The following C8orf76 variants were observed in gnomAD, a reference collection of about 807,000 sequenced individuals.
C8orf76 encodes the protein chromosome 8 open reading frame 76, also known as uncharacterized protein C8orf76.
Under a neutral mutation model 38.1 loss-of-function variants are expected in C8orf76, and 46 were observed. That is an observed-to-expected ratio of 1.21 (90% CI 0.95 to 1.54). The LOEUF is 1.54. Ranked by LOEUF, C8orf76 falls within the 40% of genes most tolerant of loss-of-function variation. The pLI is 0.00. For missense variants in C8orf76, 461 were observed against 441.6 expected (o/e 1.04, Z -0.39); for synonymous variants, 166 against 167.5 (o/e 0.99, Z 0.07).
At chr8:123,236,956 G>C in intron 3 of C8orf76, 1 of 1,545,838 alleles carries the variant, frequency 6.5e-7, no homozygotes, top group Admixed American at 1.7e-5. Flanking sequence ...CTGACCAGCA[G>C]CGTCTGATAC....
chr8:123,238,229 T>C (rs1825565341), intron 2 of C8orf76, among the ~76,000 whole-genome samples: 1 of 152,166 alleles, frequency 6.6e-6, no homozygotes, highest in African/African-American at 2.4e-5. Context: ...TTTCCCATGC[T>C]ATTCTCATGG....
chr8:123,220,326 C>A, intron 5 of C8orf76, 29 bp from the exon 6 acceptor site: 2 of 1,487,218 alleles, frequency 1.3e-6, no homozygotes, highest in South Asian at 1.3e-5. Context: ...AAAAAACTGT[C>A]CCAATAAAAG....
At position 123,226,519 on chromosome 8, in the gene C8orf76, G is replaced by GT; in HGVS notation, c.928dup (p.Thr310AsnfsTer7). On this transcript the variant is annotated frameshift_variant, in exon 5 of 6. Coordinates refer to ENST00000276704, the MANE Select transcript of C8orf76 (RefSeq NM_032847.3). LOFTEE classifies it high-confidence loss of function. ...ACTCACCTCAGCTATCAACAGCAAAGTGTCTTCTTTGAAGCTGAACCCTTT... is the reference window on the plus strand; with the variant it reads ...ACTCACCTCAGCTATCAACAGCAAAGTTGTCTTCTTTGAAGCTGAACCCTTT... 6.2e-7 allele frequency: 1 copy of GT among 1,613,310 alleles called. No homozygotes were observed. Among genetic ancestry groups the GT allele is most frequent in the Non-Finnish European group, 8.5e-7 (1 of 1,179,860 alleles).
intron 3 of C8orf76, among the ~76,000 whole-genome samples, chr8:123,234,275 C>T (rs761720238): frequency 5.3e-5 from 8 of 152,102 alleles, no homozygotes; most frequent in Admixed American, 2.0e-4. Flanking sequence ...CCTGCCATAA[C>T]GTGGCTGGTA....
chr8:123,228,761 A>G (rs1386038504), intron 4 of C8orf76, among the ~76,000 whole-genome samples: 1 of 152,242 alleles, frequency 6.6e-6, no homozygotes, highest in Admixed American at 6.5e-5. Context: ...TGTGTTAACA[A>G]TAAAAACAAC....
chr8:123,230,912 T>G lies in C8orf76; in HGVS notation c.815+388A>C, dbSNP rs567341018. On this transcript the variant is annotated intron_variant, in intron 4 of 5. Transcript: ENST00000276704. Reference sequence around the variant, plus strand: ...ATCCACCCACCTCACCCTCCCAAAGTGCTGGGATTACAGGCGTGAGCCACC... The same window carrying G: ...ATCCACCCACCTCACCCTCCCAAAGGGCTGGGATTACAGGCGTGAGCCACC... Among the ~76,000 whole-genome samples, 11 of 152,276 alleles carry G rather than the reference T, an allele frequency of 7.2e-5. No homozygotes were observed. The East Asian group carries it at 1.7e-3, about 24-fold the overall frequency.
At chr8:123,236,770 T>TGA (rs1245748071) in intron 3 of C8orf76, 1 of 483,118 alleles carries the variant, frequency 2.1e-6, no homozygotes, top group Non-Finnish European at 3.8e-6. Context: ...GGTGACAGAG[T>TGA]GAGACTCTGT....
intron 5 of C8orf76, among the ~76,000 whole-genome samples, chr8:123,226,038 G>A (rs909777525): frequency 1.3e-5 from 2 of 152,248 alleles, no homozygotes; most frequent in Admixed American, 6.5e-5. Flanking sequence ...AAATGGACTT[G>A]CAGCTGGCAA....
At chr8:123,238,011 G>A (rs1253666572) in intron 2 of C8orf76, 70 bp from the exon 3 acceptor site, 3 of 1,520,344 alleles carry the variant, frequency 2.0e-6, no homozygotes, top group Admixed American at 4.4e-5. Context: ...TCAGAATAGG[G>A]GTGATTTTTT....
chr8:123,221,929 G>T lies in C8orf76; in HGVS notation c.949-1632C>A, dbSNP rs1428979490. ...ACCTCCAAAAAAAATTTTAAAAAATGTATTTGATAACCACTGGAGTGAGGC... is the reference window on the plus strand; with the variant it reads ...ACCTCCAAAAAAAATTTTAAAAAATTTATTTGATAACCACTGGAGTGAGGC... On this transcript the variant is annotated intron_variant, in intron 5 of 5. Transcript: ENST00000276704. 6.6e-5 allele frequency among the ~76,000 whole-genome samples: 10 copies of T among 152,268 alleles called. No homozygotes were observed. In the South Asian group the frequency reaches 2.1e-3, roughly 32 times the overall value.
chr8:123,227,048 T>C (rs1004634882), intron 4 of C8orf76, among the ~76,000 whole-genome samples: 2 of 152,170 alleles, frequency 1.3e-5, no homozygotes, highest in East Asian at 3.9e-4. Flanking sequence ...GTCAGTGTTC[T>C]GTGACCCTTC....
At chr8:123,234,776 AAAAAACAAAAAC>A (rs200915547) in intron 3 of C8orf76, among the ~76,000 whole-genome samples, 2 of 151,372 alleles carry the variant, frequency 1.3e-5, no homozygotes, top group Non-Finnish European at 2.9e-5. Flanking sequence ...CTAAAAAACA[AAAAAACAAAAAC>A]AAAAACAAAA....
intron 4 of C8orf76, 42 bp from the exon 5 acceptor site, chr8:123,226,674 A>G: frequency 6.4e-7 from 1 of 1,555,274 alleles, no homozygotes; most frequent in Non-Finnish European, 8.6e-7. Flanking sequence ...AAAAGTCCCA[A>G]CGCTTCCAGA....
At chr8:123,232,280 G>A (rs979307994) in intron 3 of C8orf76, among the ~76,000 whole-genome samples, 4 of 152,264 alleles carry the variant, frequency 2.6e-5, no homozygotes, top group South Asian at 2.1e-4. Context: ...GCTTCATGAC[G>A]CATTCTAATT....
At chr8:123,227,256 C>CT (rs532233177) in intron 4 of C8orf76, among the ~76,000 whole-genome samples, 2,228 of 139,674 alleles carry the variant, frequency 0.016, 45 homozygotes, top group African/African-American at 0.049. Context: ...CATTTGGCTC[C>CT]TTTTTTTTTT....
At chr8:123,237,185 C>A (rs567849968) in intron 3 of C8orf76, 2 of 689,602 alleles carry the variant, frequency 2.9e-6, no homozygotes, top group Non-Finnish European at 5.3e-6. Flanking sequence ...CGCGGCCACA[C>A]CAACAACCTG....
In C8orf76 at chr8:123,226,625, G is replaced by A; in HGVS notation, c.823C>T (p.Leu275Phe). The change falls in exon 5 of 6, where the codon CTT (leucine) becomes TTT (phenylalanine). Residue 275 changes from leucine (L) to phenylalanine (F), a missense_variant. Transcript: ENST00000276704. ...CASFIRTRLLLQFTQPQQTSF... is the reference protein window; with the variant it reads ...CASFIRTRLLFQFTQPQQTSF... Reference sequence around the variant, plus strand: ...GTTTGCTGAGGTTGGGTAAACTGAAGCAGAAGCCTGAAAAACCGAAAAGTC... The same window carrying A: ...GTTTGCTGAGGTTGGGTAAACTGAAACAGAAGCCTGAAAAACCGAAAAGTC... 6.3e-7 allele frequency: 1 copy of A among 1,590,966 alleles called. No homozygotes were observed. Among genetic ancestry groups the A allele is most frequent in the South Asian group, 1.2e-5 (1 of 86,778 alleles).
intron 4 of C8orf76, among the ~76,000 whole-genome samples, chr8:123,230,955 T>A (rs1035709515): frequency 1.3e-5 from 2 of 152,046 alleles, no homozygotes; most frequent in Non-Finnish European, 2.9e-5. Context: ...GCCCGCATAG[T>A]TAACTTTTCA....
intron 3 of C8orf76, among the ~76,000 whole-genome samples, chr8:123,237,408 G>A (rs188217905): frequency 6.6e-6 from 1 of 152,182 alleles, no homozygotes; most frequent in Non-Finnish European, 1.5e-5. Context: ...GTCATTTTGG[G>A]GGGGGGACCT....
Sources: gnomAD v4.1 joint callset for allele counts (sites outside exome capture counted in the v4.1 genomes callset) on GRCh38, gnomAD v4.1.1 for gene constraint, MANE v1.5 for transcripts, NCBI Gene and HGNC (gene_info 2026-07-23, HGNC 2026-07-21) for gene names.